Variants in PDE4B observed in about 807,000 individuals in gnomAD.
PDE4B encodes 3',5'-cyclic-AMP phosphodiesterase 4B.
Under a neutral mutation model 82.2 loss-of-function variants are expected in PDE4B, and 20 were observed. The ratio of observed to expected loss-of-function variants is 0.24; its 90% confidence interval spans 0.17 to 0.35. PDE4B has a LOEUF of 0.35. PDE4B is among the 10% of genes least tolerant of loss of function. The pLI, the probability that PDE4B is intolerant of heterozygous loss-of-function variation, is 1.00. For missense variants in PDE4B, 655 were observed against 907.2 expected (o/e 0.72, Z 3.57); for synonymous variants, 320 against 318.9 (o/e 1.00, Z -0.04).
chr1:66,135,178 G>A (rs2101124425), intron 3 of PDE4B, among the ~76,000 whole-genome samples: 1 of 152,250 alleles, frequency 6.6e-6, no homozygotes. Context: ...CAATATAGCT[G>A]GCACTTACAG....
At chr1:66,079,170 C>CTG (rs1187311482) in intron 3 of PDE4B, among the ~76,000 whole-genome samples, 3 of 67,958 alleles carry the variant, frequency 4.4e-5, no homozygotes, top group African/African-American at 1.3e-4. Context: ...CTTCTTTTCT[C>CTG]TCTCTCTCTC....
chr1:66,018,811 T>C (rs1040086379), intron 3 of PDE4B, among the ~76,000 whole-genome samples: 5 of 152,194 alleles, frequency 3.3e-5, no homozygotes, highest in African/African-American at 4.8e-5. Flanking sequence ...AAGAATGTGA[T>C]CTAAAGAATG....
At position 66,247,490 on chromosome 1, in the gene PDE4B, T is replaced by G. The variant is rs770166250; in HGVS notation, c.312T>G (p.Gly104=). 6.5e-5 allele frequency: 103 copies of G among 1,593,182 alleles called. No homozygotes were observed. Among genetic ancestry groups the G allele is most frequent in the Non-Finnish European group, 8.0e-5 (94 of 1,171,770 alleles). The change falls in exon 4 of 17, where the codon GGT becomes GGG. Residue 104 remains glycine, a synonymous_variant. Transcript: ENST00000341517. ...CFDVENGPSP[G]RSPLDPQASS... ...ATGTGGAAAATGGCCCTTCCCCAGG[T>G]CGGAGTCCACTGGATCCCCAGGCCA...
At chr1:65,886,946 T>C (rs1035468700) in intron 1 of PDE4B, among the ~76,000 whole-genome samples, 9 of 152,220 alleles carry the variant, frequency 5.9e-5, no homozygotes, top group African/African-American at 2.2e-4. Flanking sequence ...GAAATCTTCA[T>C]ACTGTTTTTC....
chr1:66,276,757 C>T lies in PDE4B; in HGVS notation c.634+10670C>T, dbSNP rs139614528. On this transcript the variant is annotated intron_variant, in intron 7 of 16. Coordinates refer to ENST00000341517, the MANE Select transcript of PDE4B (RefSeq NM_002600.4). ...TCAGACCCTGATCTCATAGATCTTA[C>T]GGCCCAGGAAATAATGCATAAATAA... is the stretch of plus-strand genomic sequence containing the variant. Among the ~76,000 whole-genome samples the T allele has an allele frequency of 1.9e-3, 292 of 152,184 alleles. 4 individuals are homozygous for T. The highest frequency in any genetic ancestry group is 1.1e-3 in the Non-Finnish European group (77 of 67,990).
intron 3 of PDE4B, among the ~76,000 whole-genome samples, chr1:65,937,311 G>A (rs1648206230): frequency 1.3e-5 from 2 of 152,182 alleles, no homozygotes; most frequent in South Asian, 2.1e-4. Flanking sequence ...GGAAACATTC[G>A]TTATTGTGGA....
rs4474220 is a variant in PDE4B, at chr1:66,290,947, G to A, written c.634+24860G>A. The stretch of plus-strand genomic sequence containing the variant: ...CTCAATTCTGGAAGAGGTCCAAACT[G>A]GATGCTTTGTCTTCTACCTCACAGC... On this transcript the variant is annotated intron_variant, in intron 7 of 16. Transcript: ENST00000341517. Among the ~76,000 whole-genome samples the A allele has an allele frequency of 3.8e-3, 575 of 152,162 alleles. 3 individuals carry two copies. The highest frequency in any genetic ancestry group is 0.013 in the African/African-American group (551 of 41,506).
intron 3 of PDE4B, among the ~76,000 whole-genome samples, chr1:66,068,932 T>C (rs560161929): frequency 6.6e-6 from 1 of 152,138 alleles, no homozygotes; most frequent in African/African-American, 2.4e-5. Flanking sequence ...TGTGGCTAAA[T>C]CACTTCGAAT....
chr1:66,169,366 G>C (rs778982376), intron 3 of PDE4B, among the ~76,000 whole-genome samples: 3 of 152,222 alleles, frequency 2.0e-5, no homozygotes, highest in African/African-American at 4.8e-5. Context: ...AGAGCAGTCA[G>C]GGGAGTTGGC....
intron 3 of PDE4B, among the ~76,000 whole-genome samples, chr1:66,115,526 C>T (rs1570271402): frequency 6.6e-6 from 1 of 152,280 alleles, no homozygotes; most frequent in Admixed American, 6.5e-5. Flanking sequence ...TTGATCTTAA[C>T]CTTGCATAAA....
intron 1 of PDE4B, among the ~76,000 whole-genome samples, chr1:65,887,414 G>GTT (rs34263724): frequency 0.02 from 156 of 7,732 alleles, 60 homozygotes; most frequent in African/African-American, 0.07. Flanking sequence ...TTTTTCTTCT[G>GTT]TTTTTTTTTT....
chr1:66,354,835 G>T, intron 8 of PDE4B: 1 of 1,535,662 alleles, frequency 6.5e-7, no homozygotes, highest in South Asian at 1.2e-5. Context: ...GTGGCAAGGA[G>T]AGCATTCCAA....
At position 66,368,950 on chromosome 1, in the gene PDE4B, C is replaced by T; in HGVS notation, c.1826C>T (p.Ala609Val). Reference protein sequence around the residue: ...EISPMCDKHTASVEKSQVGFI... With the variant: ...EISPMCDKHTVSVEKSQVGFI... ...AGCCCAATGTGTGATAAACACACAG[C>T]TTCTGTGGAAAAATCCCAGGTATCT... Residue 609 changes from alanine to valine, a missense_variant, in exon 16 of 17, where the codon GCT becomes GTT. Ala to Val is a moderately conservative substitution (Grantham distance 64). Transcript: ENST00000341517. 6.2e-7 allele frequency: 1 copy of T among 1,604,752 alleles called. No individual in the cohort carries two copies. Among genetic ancestry groups the T allele is most frequent in the Non-Finnish European group, 8.5e-7 (1 of 1,175,556 alleles).
At chr1:65,954,280 G>C (rs1427197213) in intron 3 of PDE4B, among the ~76,000 whole-genome samples, 2 of 151,992 alleles carry the variant, frequency 1.3e-5, no homozygotes, top group African/African-American at 2.4e-5. Flanking sequence ...CAGAGAACTT[G>C]TTTCTTATAC....
intron 1 of PDE4B, among the ~76,000 whole-genome samples, chr1:65,814,832 A>G (rs907988465): frequency 6.6e-6 from 1 of 152,034 alleles, no homozygotes; most frequent in Non-Finnish European, 1.5e-5. Flanking sequence ...GTAAACTATT[A>G]CAAAAATACC....
intron 1 of PDE4B, among the ~76,000 whole-genome samples, chr1:65,831,795 A>T (rs958937156): frequency 3.3e-5 from 5 of 152,340 alleles, no homozygotes; most frequent in Non-Finnish European, 7.4e-5. Flanking sequence ...ATTCAGCAAT[A>T]TGTAAGTGTG....
chr1:65,818,623 T>C (rs1270810811), intron 1 of PDE4B, among the ~76,000 whole-genome samples: 4 of 150,742 alleles, frequency 2.7e-5, no homozygotes, highest in Non-Finnish European at 5.9e-5. Flanking sequence ...GGGCTTATTA[T>C]ACAATGAATG....
chr1:66,021,626 T>C (rs1055960464), intron 3 of PDE4B, among the ~76,000 whole-genome samples: 1 of 151,730 alleles, frequency 6.6e-6, no homozygotes, highest in African/African-American at 2.4e-5. Context: ...CAGATGGTTG[T>C]AGAGGTATTA....
intron 3 of PDE4B, among the ~76,000 whole-genome samples, chr1:66,050,249 T>C (rs530880522): frequency 1.6e-4 from 25 of 152,140 alleles, no homozygotes; most frequent in Non-Finnish European, 2.8e-4. Context: ...TTTTTACTAA[T>C]GACTCAGCTG....
Sources: allele counts gnomAD v4.1 joint callset (sites outside exome capture counted in the v4.1 genomes callset), GRCh38; gene constraint gnomAD v4.1.1; transcripts MANE v1.5; gene names NCBI Gene and HGNC (gene_info 2026-07-23, HGNC 2026-07-21).